Variants in PHF6 observed in about 807,000 individuals in gnomAD.
PHF6 encodes the protein PHD finger protein 6, also known as PHD-like zinc finger protein.
In PHF6, 7 loss-of-function variants were observed where a neutral mutation model predicts 34.0. The ratio of observed to expected loss-of-function variants is 0.21; its 90% CI spans 0.12 to 0.39. The LOEUF (loss-of-function observed/expected upper bound fraction) is 0.39, where lower values mean the gene tolerates loss of function less well. Ranked by LOEUF, PHF6 falls within the 10% of genes least tolerant of loss-of-function variation. The pLI is 1.00. For synonymous variants in PHF6, 89 were observed against 88.4 expected (o/e 1.01, Z -0.04); for missense variants, 128 against 262.8 (o/e 0.49, Z 3.55).
rs1458249653 is a variant in PHF6 at position 134,417,320 on chromosome X, G to A, written c.968+18G>A. 8.3e-7 allele frequency: 1 copy of A among 1,202,437 alleles called. No individual in the cohort carries two copies. Among genetic ancestry groups the A allele is most frequent in the African/African-American group, 1.7e-5 (1 of 57,614 alleles). On this transcript the variant is annotated intron_variant, in intron 9 of 10. Transcript: ENST00000370803. ...ATTTACAAGTAAGAAAACAACAGTT[G>A]TCTATTTCCCTAAACATGTTAGTAA...
chrX:134,385,719 G>A (rs753265055), intron 3 of PHF6, among the ~76,000 whole-genome samples: 7 of 111,611 alleles, frequency 6.3e-5, no homozygotes, highest in Non-Finnish European at 9.4e-5. Context: ...GTAATTTAGA[G>A]GGAAAAATGA....
intron 9 of PHF6, among the ~76,000 whole-genome samples, chrX:134,422,171 C>T (rs1300157096): frequency 1.8e-5 from 2 of 111,251 alleles, no homozygotes; most frequent in Non-Finnish European, 3.8e-5. Context: ...GATCCACCCG[C>T]CCCAGCCTCC....
Position 134,413,853 on chromosome X carries a change from A to G in PHF6, c.616A>G (p.Ser206Gly). 2 of 1,210,966 alleles carry G rather than the reference A, an allele frequency of 1.7e-6. No homozygotes were observed. Among genetic ancestry groups the G allele is most frequent in the Non-Finnish European group, 1.1e-6 (1 of 894,852 alleles). ...RDRSPHRSSP[S>G]DTRPKCGFCH... ...TAGGTCTCCACACAGAAGCAGCCCTAGTGACACCAGGCCTAAATGTGGATT... is the reference window on the plus strand; with the variant it reads ...TAGGTCTCCACACAGAAGCAGCCCTGGTGACACCAGGCCTAAATGTGGATT... The change falls in exon 7 of 11, where the codon AGT becomes GGT. Residue 206 changes from serine to glycine, a missense_variant. Ser to Gly is a moderately conservative substitution (Grantham distance 56). Around this residue, in one of 3 missense-constraint regions of PHF6, gnomAD observed 97 missense variants for 152.9 expected, o/e 0.63. Transcript: ENST00000370803.
chrX:134,424,912 G>A (rs2077502897), intron 9 of PHF6, among the ~76,000 whole-genome samples: 1 of 111,431 alleles, frequency 9.0e-6, no homozygotes, highest in Admixed American at 9.6e-5. Flanking sequence ...TTTTAAGTTG[G>A]CCAAAACTTT....
rs770484781 is a variant in PHF6, at chrX:134,421,419, A to T, written c.969-3782A>T. Among the ~76,000 whole-genome samples, 4 of 112,039 alleles carry T rather than the reference A, an allele frequency of 3.6e-5. No homozygotes were observed. The South Asian group carries it at 1.5e-3, about 42-fold the overall frequency. ...GCAAGTTTATATTCTCCATGATAGG[A>T]TTCTGTGGTGTTTGAATATCTTCAT... On this transcript the variant is annotated intron_variant, in intron 9 of 10. Coordinates refer to ENST00000370803, the MANE Select transcript of PHF6 (RefSeq NM_001015877.2).
chrX:134,406,062 T>TTTTCCTTCTTTC (rs1663117451), intron 5 of PHF6, among the ~76,000 whole-genome samples: 1 of 78,076 alleles, frequency 1.3e-5, no homozygotes, highest in Non-Finnish European at 2.4e-5. Flanking sequence ...TCCTTTTTCT[T>TTTTCCTTCTTTC]TTTCTTTCTT....
At chrX:134,399,163 G>C (rs1408059357) in intron 5 of PHF6, among the ~76,000 whole-genome samples, 1 of 111,643 alleles carries the variant, frequency 9.0e-6, no homozygotes, top group East Asian at 2.8e-4. Context: ...GGAACCAAAT[G>C]GTCAACTTCG....
intron 9 of PHF6, chrX:134,418,500 A>G (rs1450098610): frequency 9.0e-6 from 1 of 111,622 alleles, no homozygotes; most frequent in East Asian, 2.8e-4. Context: ...TTACTCTCAC[A>G]TGCCTAGAAT....
At position 134,409,148 on chromosome X, in the gene PHF6, G is replaced by A. The variant is rs182175873; in HGVS notation, c.419-4343G>A. On this transcript the variant is annotated intron_variant, in intron 5 of 10. Coordinates refer to ENST00000370803, the MANE Select transcript of PHF6 (RefSeq NM_001015877.2). The stretch of plus-strand genomic sequence containing the variant: ...CCAAGATTATTTTTTAAAATTCTCC[G>A]CTATTTTCTCCTATTATATTCATAG... 2.8e-3 allele frequency among the ~76,000 whole-genome samples: 313 copies of A among 111,494 alleles called. 1 individual carries two copies. The highest frequency in any genetic ancestry group is 9.2e-3 in the African/African-American group (281 of 30,690).
intron 1 of PHF6, among the ~76,000 whole-genome samples, 183 bp from the exon 2 acceptor site, chrX:134,377,389 T>C (rs966910756): frequency 8.9e-6 from 1 of 112,030 alleles, no homozygotes; most frequent in African/African-American, 3.2e-5. Context: ...AAATGAACTT[T>C]GTTACCCTTC....
Position 134,422,305 on chromosome X carries a change from T to C in PHF6, c.969-2896T>C, listed in dbSNP as rs2077494734. Among the ~76,000 whole-genome samples the C allele has an allele frequency of 3.6e-5, 4 of 112,246 alleles. No homozygotes were observed. The South Asian group carries it at 1.5e-3, about 41-fold the overall frequency. On this transcript the variant is annotated intron_variant, in intron 9 of 10. Coordinates refer to ENST00000370803, the MANE Select transcript of PHF6 (RefSeq NM_001015877.2). ...TTGGTTCCTTTTTCAGACATCTAGG[T>C]TGTTTTTGCTTTTTAGCTATTAGAC...
At chrX:134,413,736 A>C in intron 6 of PHF6, 79 bp downstream of exon 6, 1 of 1,188,736 alleles carries the variant, frequency 8.4e-7, no homozygotes, top group Admixed American at 2.2e-5. Flanking sequence ...GGTAAAGTTC[A>C]TCATTTGAAA....
intron 5 of PHF6, among the ~76,000 whole-genome samples, chrX:134,394,882 G>A (rs1427953651): frequency 3.9e-5 from 4 of 101,847 alleles, no homozygotes; most frequent in African/African-American, 1.5e-4. Flanking sequence ...TTTTGAGACG[G>A]AATCTCGCTC....
intron 3 of PHF6, among the ~76,000 whole-genome samples, chrX:134,392,538 C>T (rs946237701): frequency 8.9e-6 from 1 of 112,046 alleles, no homozygotes; most frequent in Non-Finnish European, 1.9e-5. Context: ...TAATAAAATA[C>T]ATTGAAAGAA....
intron 9 of PHF6, among the ~76,000 whole-genome samples, chrX:134,423,398 GTC>G (rs2077498151): frequency 9.0e-6 from 1 of 111,621 alleles, no homozygotes; most frequent in Non-Finnish European, 1.9e-5. Context: ...TTTAACTTGT[GTC>G]TCTATCCCTC....
chrX:134,389,100 C>T (rs777867861), intron 3 of PHF6, among the ~76,000 whole-genome samples: 11 of 111,218 alleles, frequency 9.9e-5, no homozygotes, highest in Admixed American at 5.8e-4. Context: ...TTTACTAGGT[C>T]GACTAGGTAG....
chrX:134,421,493 G>A (rs758414535), intron 9 of PHF6, among the ~76,000 whole-genome samples: 5 of 111,380 alleles, frequency 4.5e-5, no homozygotes, highest in Non-Finnish European at 9.4e-5. Context: ...AAAATAACAG[G>A]CTGATTTTAA....
chrX:134,399,865 G>A (rs1353643458), intron 5 of PHF6, among the ~76,000 whole-genome samples: 2 of 110,791 alleles, frequency 1.8e-5, no homozygotes, highest in Non-Finnish European at 3.8e-5. Flanking sequence ...ATAATGACAC[G>A]TACCTACCAT....
At chrX:134,410,861 G>A (rs2077447437) in intron 5 of PHF6, among the ~76,000 whole-genome samples, 1 of 108,409 alleles carries the variant, frequency 9.2e-6, no homozygotes, top group African/African-American at 3.4e-5. Flanking sequence ...TTGTTGGCCA[G>A]GCTGGTCTCG....
Sources: allele counts gnomAD v4.1 joint callset (sites outside exome capture counted in the v4.1 genomes callset), GRCh38; gene constraint gnomAD v4.1.1; regional missense constraint gnomAD v4.1.1; transcripts MANE v1.5; gene names NCBI Gene and HGNC (gene_info 2026-07-23, HGNC 2026-07-21).